Variants in NREP observed in about 807,000 individuals in gnomAD.
The protein encoded by NREP is neuronal regeneration related protein.
Under a neutral mutation model 8.6 loss-of-function variants are expected in NREP, and 5 were observed. That is an observed-to-expected ratio of 0.58 (90% CI 0.30 to 1.22). The LOEUF is 1.22. NREP is among the 50% of genes most tolerant of loss of function. The pLI is 0.07. For synonymous variants in NREP, 27 were observed against 28.0 expected (o/e 0.96, Z 0.11); for missense variants, 86 against 82.5 (o/e 1.04, Z -0.17).
intron 2 of NREP, among the ~76,000 whole-genome samples, chr5:111,879,217 G>C (rs1245173377): frequency 6.6e-6 from 1 of 152,086 alleles, no homozygotes; most frequent in Non-Finnish European, 1.5e-5. Flanking sequence ...TAAGCTTGCT[G>C]GGGCCTCACC....
intron 2 of NREP, among the ~76,000 whole-genome samples, chr5:111,866,402 A>C (rs1274557420): frequency 6.6e-6 from 1 of 152,232 alleles, no homozygotes; most frequent in Non-Finnish European, 1.5e-5. Flanking sequence ...AAAAATGTTC[A>C]TCATCACTGG....
At chr5:111,756,726 T>C (rs1750736457) in intron 1 of NREP, among the ~76,000 whole-genome samples, 1 of 151,946 alleles carries the variant, frequency 6.6e-6, no homozygotes, top group Non-Finnish European at 1.5e-5. Context: ...AGTAATCAAG[T>C]GTAAGGGCGG....
At position 111,735,422 on chromosome 5, in the gene NREP, G is replaced by A; in HGVS notation, c.81+8C>T. 6.3e-7 allele frequency: 1 copy of A among 1,591,846 alleles called. No individual in the cohort carries two copies. The highest frequency in any genetic ancestry group is 8.6e-7 in the Non-Finnish European group (1 of 1,160,314). The stretch of plus-strand genomic sequence containing the variant: ...TAGTGTTAACAATATGGCATCTAAG[G>A]ATCTTACCTTAGGAAGCCTTCCCTC... On this transcript the variant is annotated splice_region_variant and intron_variant, in intron 3 of 3. Transcript: ENST00000257435.
intron 2 of NREP, among the ~76,000 whole-genome samples, chr5:111,777,351 T>A (rs1425324419): frequency 6.9e-6 from 1 of 145,188 alleles, no homozygotes; most frequent in Non-Finnish European, 1.5e-5. Context: ...TGGGTGTGTG[T>A]GTGAGTGTGT....
chr5:111,844,911 CTAT>C (rs1209356651), intron 2 of NREP, among the ~76,000 whole-genome samples: 6 of 151,282 alleles, frequency 4.0e-5, no homozygotes, highest in Admixed American at 6.6e-5. Flanking sequence ...ATATATTTAT[CTAT>C]TATTATGTAT....
chr5:111,974,988 T>G (rs557368958), intron 2 of NREP, among the ~76,000 whole-genome samples: 1 of 152,104 alleles, frequency 6.6e-6, no homozygotes, highest in Non-Finnish European at 1.5e-5. Context: ...GCTGAGGTGG[T>G]TGGCCAGAGG....
intron 2 of NREP, among the ~76,000 whole-genome samples, chr5:111,907,805 G>T (rs907218197): frequency 6.6e-5 from 10 of 151,872 alleles, no homozygotes; most frequent in Non-Finnish European, 1.3e-4. Context: ...AGTCTTTTAA[G>T]TCTGTCCCAT....
At chr5:111,929,368 G>T (rs1270833467) in intron 2 of NREP, among the ~76,000 whole-genome samples, 1 of 152,210 alleles carries the variant, frequency 6.6e-6, no homozygotes, top group Non-Finnish European at 1.5e-5. Context: ...GAGCCAATGA[G>T]TTGGGGAGCT....
intron 2 of NREP, among the ~76,000 whole-genome samples, chr5:111,754,446 G>A (rs967288160): frequency 2.6e-5 from 4 of 152,174 alleles, no homozygotes; most frequent in African/African-American, 4.8e-5. Flanking sequence ...AGTAGGTAAC[G>A]TTCTGAGATA....
chr5:111,734,660 G>A (rs918385992), intron 3 of NREP: 8 of 676,642 alleles, frequency 1.2e-5, no homozygotes, highest in African/African-American at 8.9e-5. Flanking sequence ...ACAGCTGGGG[G>A]AGGACTCACC....
chr5:111,780,156 T>C (rs1751459286), intron 2 of NREP, among the ~76,000 whole-genome samples: 1 of 152,138 alleles, frequency 6.6e-6, no homozygotes, highest in Admixed American at 6.6e-5. Flanking sequence ...GAGGAATAAA[T>C]CTCTTCACTG....
chr5:111,794,709 T>C (rs901229025), intron 2 of NREP, among the ~76,000 whole-genome samples: 2 of 152,144 alleles, frequency 1.3e-5, no homozygotes, highest in African/African-American at 2.4e-5. Context: ...GTACAGAGGA[T>C]GTTTAGGACT....
intron 2 of NREP, among the ~76,000 whole-genome samples, chr5:111,914,872 A>T (rs749446637): frequency 1.3e-5 from 2 of 152,136 alleles, no homozygotes; most frequent in Non-Finnish European, 2.9e-5. Context: ...TGAACTTAGG[A>T]ATGTGCCCAA....
chr5:111,802,110 C>T (rs974757091), intron 2 of NREP, among the ~76,000 whole-genome samples: 3 of 152,078 alleles, frequency 2.0e-5, no homozygotes, highest in African/African-American at 7.2e-5. Context: ...CGGCTGAATA[C>T]CTCTATTTAA....
At chr5:111,820,653 T>C (rs1420226441) in intron 2 of NREP, among the ~76,000 whole-genome samples, 3 of 152,162 alleles carry the variant, frequency 2.0e-5, no homozygotes, top group African/African-American at 7.2e-5. Flanking sequence ...AGTGCTTTTC[T>C]ACACATTTAA....
At chr5:111,861,198 T>A (rs1293954295) in intron 2 of NREP, among the ~76,000 whole-genome samples, 1 of 152,150 alleles carries the variant, frequency 6.6e-6, no homozygotes, top group Non-Finnish European at 1.5e-5. Flanking sequence ...CTAGAGCACC[T>A]GCCATGAGGT....
chr5:111,910,718 G>C (rs1472830709), intron 2 of NREP, among the ~76,000 whole-genome samples: 4 of 152,162 alleles, frequency 2.6e-5, no homozygotes, highest in African/African-American at 7.2e-5. Flanking sequence ...CCCCAGGACA[G>C]AAACCCTCTG....
chr5:111,869,305 A>G (rs1003410844), intron 2 of NREP, among the ~76,000 whole-genome samples: 7 of 152,214 alleles, frequency 4.6e-5, no homozygotes, highest in Non-Finnish European at 1.0e-4. Context: ...GTAATTTTTA[A>G]AATTTCCTTA....
intron 2 of NREP, among the ~76,000 whole-genome samples, chr5:111,906,307 T>C (rs1173951637): frequency 6.9e-6 from 1 of 145,180 alleles, no homozygotes; most frequent in Non-Finnish European, 1.6e-5. Flanking sequence ...TTTTTATAGA[T>C]TCACAAAGAA....
Sources: gnomAD v4.1 joint callset for allele counts (sites outside exome capture counted in the v4.1 genomes callset) on GRCh38, gnomAD v4.1.1 for gene constraint, MANE v1.5 for transcripts, NCBI Gene and HGNC (gene_info 2026-07-23, HGNC 2026-07-21) for gene names.